ALDH1L1: variants seen among roughly 807,000 people sequenced by gnomAD.
The protein encoded by ALDH1L1 is aldehyde dehydrogenase 1 family member L1.
ALDH1L1 carries 68 observed loss-of-function variants against 101.1 expected under a neutral mutation model. The ratio of observed to expected loss-of-function variants is 0.67; its 90% CI spans 0.55 to 0.82. The LOEUF is 0.82. Ranked by LOEUF, ALDH1L1 falls within the 40% of genes least tolerant of loss-of-function variation. The pLI is 0.00. For synonymous variants in ALDH1L1, 486 were observed against 470.8 expected, an observed-to-expected ratio of 1.03 and a Z score of -0.42; for missense variants, 1,087 against 1,172.7, an observed-to-expected ratio of 0.93 and a Z score of 1.07.
chr3:126,114,467 T>A (rs1459006967), intron 18 of ALDH1L1, 90 bp downstream of exon 18: 1 of 1,059,592 alleles, frequency 9.4e-7, no homozygotes, highest in South Asian at 2.6e-5. Flanking sequence ...CACGTGTGAG[T>A]GTGGCTGTGG....
rs142947117 is a variant in ALDH1L1 at position 126,118,095 on chromosome 3, G to C, written c.1892C>G (p.Ser631Cys). 3.1e-6 allele frequency: 5 copies of C among 1,612,986 alleles called. No homozygotes were observed. In the African/African-American group the frequency reaches 6.7e-5, roughly 21 times the overall value. Residue 631 changes from serine to cysteine, a missense_variant, in exon 17 of 23, where the codon TCC becomes TGC. By Grantham distance (112) the Ser-to-Cys change is moderately radical. This residue lies in a region of ALDH1L1 where 442 missense variants were observed against 535.7 expected (regional missense o/e 0.83). Coordinates refer to ENST00000393434, the MANE Select transcript of ALDH1L1 (RefSeq NM_012190.4). ...GTCTGAGAGTCTCTGGCCGACCAGG[G>C]AGCCTGTGGGCGGGAGGGAGGGGGG... Reference protein sequence around the residue: ...GVVNVLPGSGSLVGQRLSDHP... With the variant: ...GVVNVLPGSGCLVGQRLSDHP...
At chr3:126,139,322 G>A (rs188942915) in intron 9 of ALDH1L1, among the ~76,000 whole-genome samples, 62 of 152,320 alleles carry the variant, frequency 4.1e-4, no homozygotes, top group Admixed American at 3.3e-3. Context: ...AAAGTTCAAC[G>A]ACAACACACA....
rs1576414341 is a variant in ALDH1L1 at position 126,112,976 on chromosome 3, G to A, written c.2083-96C>T. ...CCAGCCGCCTCTTCTAATTAGGAAA[G>A]GAGGCACCCATGTGTCCTGATCTCC... On this transcript the variant is annotated intron_variant, in intron 18 of 22. Coordinates refer to ENST00000393434, the MANE Select transcript of ALDH1L1 (RefSeq NM_012190.4). 5 of 1,102,162 alleles carry A rather than the reference G, an allele frequency of 4.5e-6. No homozygotes were observed. The East Asian group carries it at 1.2e-4, about 27-fold the overall frequency. 68.3% of individuals were successfully genotyped at this position (1,102,162 alleles called of 1,614,324 possible). A position where few individuals can be genotyped will look rare whatever the true frequency, so the allele number is the denominator to read the frequency against.
rs149044258 is a variant in ALDH1L1, at chr3:126,118,415, T to C, written c.1889-317A>G. ...ATGGACCCTAATCCAATCTGACTGG[T>C]GTCCTTCTAAGAAGAGGAGATTTGG... is the stretch of plus-strand genomic sequence containing the variant. On this transcript the variant is annotated intron_variant, in intron 16 of 22. Coordinates refer to ENST00000393434, the MANE Select transcript of ALDH1L1 (RefSeq NM_012190.4). Among the ~76,000 whole-genome samples the C allele has an allele frequency of 5.9e-3, 899 of 152,196 alleles. 9 individuals carry two copies. Among genetic ancestry groups the C allele is most frequent in the African/African-American group, 0.021 (855 of 41,514 alleles).
intron 1 of ALDH1L1, among the ~76,000 whole-genome samples, chr3:126,162,698 A>G (rs981731177): frequency 3.2e-4 from 48 of 152,138 alleles, no homozygotes; most frequent in African/African-American, 9.4e-4. Flanking sequence ...AACTTAATAT[A>G]GTACATTTTA....
At chr3:126,187,046 GGA>G (rs2081523311) in intron 1 of ALDH1L1, among the ~76,000 whole-genome samples, 1 of 152,178 alleles carries the variant, frequency 6.6e-6, no homozygotes, top group Non-Finnish European at 1.5e-5. Context: ...CGGGGATCGA[GGA>G]GAGGCTGCTG....
chr3:126,138,629 C>G (rs2080503498), intron 9 of ALDH1L1, among the ~76,000 whole-genome samples: 1 of 152,220 alleles, frequency 6.6e-6, no homozygotes, highest in Admixed American at 6.5e-5. Flanking sequence ...CCTGACCATT[C>G]CCACTATTGG....
chr3:126,112,959 C>T (rs943219312), intron 18 of ALDH1L1, 79 bp from the exon 19 acceptor site: 2 of 1,343,288 alleles, frequency 1.5e-6, no homozygotes, highest in African/African-American at 2.9e-5. Context: ...GCCCAGCCGC[C>T]TCTTCTAATT....
intron 12 of ALDH1L1, among the ~76,000 whole-genome samples, chr3:126,134,142 C>T (rs1206125391): frequency 6.6e-6 from 1 of 152,190 alleles, no homozygotes; most frequent in Admixed American, 6.5e-5. Context: ...CCTGAACTGC[C>T]CCCTCCGGGA....
chr3:126,103,693 G>GC lies in ALDH1L1; in HGVS notation c.*97dup. The GC allele has an allele frequency of 2.3e-6, 3 of 1,324,692 alleles. No individual in the cohort carries two copies. Among genetic ancestry groups the GC allele is most frequent in the Non-Finnish European group, 3.2e-6 (3 of 942,542 alleles). 82.1% of individuals were successfully genotyped at this position (1,324,692 alleles called of 1,614,324 possible). ...TGTGCAGGCAGGAGGGCTTCCACTA[G>GC]CCCCCCAGGTGGGAGGTGCTGTGCA... On this transcript the variant is annotated 3_prime_UTR_variant, in exon 23 of 23. Coordinates refer to ENST00000393434, the MANE Select transcript of ALDH1L1 (RefSeq NM_012190.4).
At chr3:126,181,353 T>G, upstream of ALDH1L1, 2 of 346,066 alleles carry the variant, frequency 5.8e-6, no homozygotes, top group East Asian at 6.5e-5. Flanking sequence ...CACTGCTCCG[T>G]GCCCTGCTAA....
chr3:126,110,203 G>A lies in ALDH1L1; in HGVS notation c.2182-94C>T, dbSNP rs542892028. The A allele has an allele frequency of 3.0e-4, 449 of 1,511,178 alleles. 6 individuals carry two copies. The South Asian group carries it at 4.5e-3, about 15-fold the overall frequency. The allele number at this position is 1,511,178 out of a possible 1,614,324, so 93.6% of individuals were successfully genotyped here. On this transcript the variant is annotated intron_variant, in intron 19 of 22. Transcript: ENST00000393434. ...CTCAGCTCTCATGGCTGACCCCTGG[G>A]GAAAGTCCACACTCTGTTCTAGCCT...
intron 5 of ALDH1L1, 75 bp from the exon 6 acceptor site, chr3:126,154,718 G>T: frequency 7.2e-7 from 1 of 1,385,314 alleles, no homozygotes; most frequent in Non-Finnish European, 1.0e-6. Flanking sequence ...TCTGGACAGT[G>T]GACCAAGCTC....
intron 1 of ALDH1L1, among the ~76,000 whole-genome samples, chr3:126,166,553 A>G (rs1367679100): frequency 6.6e-6 from 1 of 151,960 alleles, no homozygotes. Context: ...ACATTTCTCC[A>G]CTCTGTCTTG....
chr3:126,124,459 T>C lies in ALDH1L1; in HGVS notation c.1801-8A>G, dbSNP rs779544800. ...GGCTGTGAGTGGGGTCACCTGGGTG[T>C]GGGGCCAGGAAAGGAGACTGGGTAA... On this transcript the variant is annotated splice_region_variant and splice_polypyrimidine_tract_variant and intron_variant, in intron 15 of 22. Coordinates refer to ENST00000393434, the MANE Select transcript of ALDH1L1 (RefSeq NM_012190.4). 17 of 1,608,308 alleles carry C rather than the reference T, an allele frequency of 1.1e-5. No individual in the cohort carries two copies. The Admixed American group carries it at 1.7e-4, about 16-fold the overall frequency.
chr3:126,147,010 T>G, intron 8 of ALDH1L1, 84 bp from the exon 9 acceptor site: 1 of 1,332,978 alleles, frequency 7.5e-7, no homozygotes, highest in South Asian at 1.3e-5. Flanking sequence ...CTGAACAGAC[T>G]CATGGATGGC....
intron 17 of ALDH1L1, chr3:126,115,296 C>A: frequency 2.9e-6 from 1 of 338,992 alleles, no homozygotes; most frequent in Non-Finnish European, 5.9e-6. Flanking sequence ...CTGTCCTCAG[C>A]TGGACACTCA....
chr3:126,109,117 A>G (rs1428088434), intron 20 of ALDH1L1, among the ~76,000 whole-genome samples: 1 of 152,222 alleles, frequency 6.6e-6, no homozygotes, highest in Admixed American at 6.5e-5. Context: ...TCACAGAAAG[A>G]GAAGAGTCAG....
At chr3:126,184,995 C>T (rs2081505537), upstream of ALDH1L1, among the ~76,000 whole-genome samples, 1 of 152,206 alleles carries the variant, frequency 6.6e-6, no homozygotes, top group African/African-American at 2.4e-5. Flanking sequence ...ATCCCCACCC[C>T]TTAGAACCTC....
Sources: allele counts gnomAD v4.1 joint callset (sites outside exome capture counted in the v4.1 genomes callset), GRCh38; gene constraint gnomAD v4.1.1; regional missense constraint gnomAD v4.1.1; transcripts MANE v1.5; gene names NCBI Gene and HGNC (gene_info 2026-07-23, HGNC 2026-07-21).